UBE2W: variants seen among roughly 807,000 people sequenced by gnomAD.
UBE2W encodes the protein ubiquitin conjugating enzyme E2 W.
A neutral mutation model predicts 27.2 loss-of-function variants in UBE2W; 18 were observed. The ratio of observed to expected loss-of-function variants is 0.66; its 90% CI spans 0.46 to 0.98. The LOEUF (loss-of-function observed/expected upper bound fraction) is 0.98, where lower values mean the gene tolerates loss of function less well. Ranked by LOEUF, UBE2W falls within the 50% of genes least tolerant of loss-of-function variation. UBE2W has a pLI of 0.00. For missense variants in UBE2W, 90 were observed against 180.2 expected (o/e 0.50, Z 2.87); for synonymous variants, 53 against 57.2 (o/e 0.93, Z 0.33).
intron 1 of UBE2W, among the ~76,000 whole-genome samples, chr8:73,867,438 A>C (rs1438016509): frequency 2.0e-5 from 3 of 151,462 alleles, no homozygotes; most frequent in Admixed American, 2.0e-4. Context: ...GGGAGGCTGA[A>C]GCAGGAGAAT....
intron 5 of UBE2W, among the ~76,000 whole-genome samples, chr8:73,795,320 G>A (rs1808369388): frequency 6.6e-6 from 1 of 152,156 alleles, no homozygotes; most frequent in Non-Finnish European, 1.5e-5. Flanking sequence ...GCAGTCATTA[G>A]TTCACATGAG....
chr8:73,781,619 G>GTTTTTTTTTTTTTTTTTTTT (rs112691687), downstream of UBE2W, among the ~76,000 whole-genome samples: 2 of 140,878 alleles, frequency 1.4e-5, no homozygotes. Flanking sequence ...TCAGGTTTGG[G>GTTTTTTTTTTTTTTTTTTTT]TTTTTTTTTT....
intron 2 of UBE2W, 144 bp from the exon 3 acceptor site, chr8:73,825,393 A>T: frequency 1.8e-6 from 1 of 558,228 alleles, no homozygotes. Flanking sequence ...CCTCCCAATA[A>T]CTCTCTTACT....
chr8:73,810,268 C>T (rs1809100365), intron 4 of UBE2W, among the ~76,000 whole-genome samples: 1 of 152,152 alleles, frequency 6.6e-6, no homozygotes, highest in South Asian at 2.1e-4. Flanking sequence ...AGTCTGGCTT[C>T]TACCCCATTC....
intron 5 of UBE2W, among the ~76,000 whole-genome samples, chr8:73,801,470 G>A (rs997519015): frequency 6.6e-6 from 1 of 152,124 alleles, no homozygotes; most frequent in Middle Eastern, 3.2e-3. Flanking sequence ...AAAACCTCAA[G>A]GTGGTTTAAA....
At chr8:73,861,461 G>T (rs931971673) in intron 1 of UBE2W, among the ~76,000 whole-genome samples, 6 of 152,032 alleles carry the variant, frequency 3.9e-5, no homozygotes, top group African/African-American at 1.2e-4. Flanking sequence ...TTTGATACAG[G>T]CCCCTAAGAT....
At chr8:73,813,407 G>C (rs554792722) in intron 3 of UBE2W, among the ~76,000 whole-genome samples, 7 of 152,282 alleles carry the variant, frequency 4.6e-5, no homozygotes, top group African/African-American at 1.4e-4. Flanking sequence ...TAATGAAGAA[G>C]ACAGAAACAA....
At chr8:73,844,063 A>C (rs1049523764) in intron 1 of UBE2W, among the ~76,000 whole-genome samples, 10 of 152,214 alleles carry the variant, frequency 6.6e-5, no homozygotes, top group African/African-American at 2.4e-4. Context: ...CCTTCAGGTC[A>C]ATGAAGCCCA....
At chr8:73,863,879 A>G (rs1323493032) in intron 1 of UBE2W, among the ~76,000 whole-genome samples, 1 of 152,120 alleles carries the variant, frequency 6.6e-6, no homozygotes, top group African/African-American at 2.4e-5. Flanking sequence ...ATGTGATATC[A>G]AAGTTGGAAA....
At chr8:73,848,845 A>G (rs868097264) in intron 1 of UBE2W, among the ~76,000 whole-genome samples, 7 of 152,220 alleles carry the variant, frequency 4.6e-5, no homozygotes, top group African/African-American at 1.7e-4. Context: ...CTTTGTGAAT[A>G]TATGAACTTT....
intron 1 of UBE2W, among the ~76,000 whole-genome samples, chr8:73,855,568 A>T (rs1386659339): frequency 6.6e-6 from 1 of 151,066 alleles, no homozygotes; most frequent in African/African-American, 2.4e-5. Flanking sequence ...CACCCAGCTA[A>T]TTTTTTTTGT....
intron 2 of UBE2W, among the ~76,000 whole-genome samples, 175 bp from the exon 3 acceptor site, chr8:73,825,424 C>T (rs534928165): frequency 6.6e-6 from 1 of 152,256 alleles, no homozygotes; most frequent in South Asian, 2.1e-4. Context: ...ATGACCTATC[C>T]CCTTCTCTGA....
intron 5 of UBE2W, chr8:73,795,769 A>G: frequency 1.0e-6 from 1 of 983,876 alleles, no homozygotes. Context: ...CAAGTAGTTT[A>G]TATCCTCTAA....
intron 1 of UBE2W, among the ~76,000 whole-genome samples, chr8:73,842,178 A>T (rs1810558830): frequency 6.6e-6 from 1 of 152,202 alleles, no homozygotes; most frequent in South Asian, 2.1e-4. Flanking sequence ...ATATATATCC[A>T]TCAATAGGTA....
At chr8:73,834,032 C>G (rs1163408313) in intron 1 of UBE2W, 1 of 152,236 alleles carries the variant, frequency 6.6e-6, no homozygotes, top group African/African-American at 2.4e-5. Context: ...GGCACCTACA[C>G]TACACCCAGC....
intron 1 of UBE2W, among the ~76,000 whole-genome samples, chr8:73,864,386 A>T (rs1048204027): frequency 3.4e-4 from 51 of 152,188 alleles, no homozygotes; most frequent in Non-Finnish European, 5.6e-4. Flanking sequence ...CTCTAAAAAA[A>T]TTTTTTTTAA....
chr8:73,845,630 C>T (rs1203375003), intron 1 of UBE2W, among the ~76,000 whole-genome samples: 1 of 152,048 alleles, frequency 6.6e-6, no homozygotes, highest in East Asian at 1.9e-4. Context: ...TGTTTATCTG[C>T]TGACCTTCCC....
chr8:73,824,547 G>A (rs989971173), intron 3 of UBE2W, among the ~76,000 whole-genome samples: 27 of 152,226 alleles, frequency 1.8e-4, no homozygotes, highest in African/African-American at 6.5e-4. Context: ...CGATGGCCTA[G>A]AGCAGTGGTC....
In UBE2W at chr8:73,852,926, T is replaced by G. The variant is rs1056365956; in HGVS notation, c.16-22454A>C. Among the ~76,000 whole-genome samples, 5 of 152,316 alleles carry G rather than the reference T, an allele frequency of 3.3e-5. No homozygotes were observed. The East Asian group carries it at 9.6e-4, about 29-fold the overall frequency. On this transcript the variant is annotated intron_variant, in intron 1 of 5. Transcript: ENST00000602593. ...GTAAGCAAAATGCAAACTTTAAGAC[T>G]GTAAGTTAGGTGCTGTAAGGGATAT...
Sources: allele counts gnomAD v4.1 joint callset (sites outside exome capture counted in the v4.1 genomes callset), GRCh38; gene constraint gnomAD v4.1.1; transcripts MANE v1.5; gene names NCBI Gene and HGNC (gene_info 2026-07-23, HGNC 2026-07-21).